The following SLCO1C1 variants were observed in gnomAD, a reference collection of about 807,000 sequenced individuals.
SLCO1C1 encodes solute carrier organic anion transporter family member 1C1.
In SLCO1C1, 70 loss-of-function variants were observed where a neutral mutation model predicts 76.4. That is an observed-to-expected ratio of 0.92 (90% confidence interval 0.76 to 1.12). SLCO1C1 has a LOEUF of 1.12. SLCO1C1 is among the 50% of genes most tolerant of loss of function. SLCO1C1 has a pLI of 0.00. For synonymous variants in SLCO1C1, 306 were observed against 286.1 expected, an observed-to-expected ratio of 1.07 and a Z score of -0.70; for missense variants, 912 against 823.8, an observed-to-expected ratio of 1.11 and a Z score of -1.31.
Position 20,711,501 on chromosome 12 carries a change from A to T in SLCO1C1, c.520A>T (p.Ile174Leu). The stretch of plus-strand genomic sequence containing the variant: ...AGTTATGGAAAAATCAAAATCCAAA[A>T]TAAGTAACGGTAAGATCATTTTTTT... ...VSVMEKSKSK[I>L]SNECEVDTSS... Residue 174 changes from isoleucine to leucine, a missense_variant, in exon 5 of 15, where the codon ATA becomes TTA. Ile to Leu is a conservative substitution (Grantham distance 5). Transcript: ENST00000266509. 1 of 1,613,640 alleles carries T rather than the reference A, an allele frequency of 6.2e-7. No homozygotes were observed. Among genetic ancestry groups the T allele is most frequent in the Non-Finnish European group, 8.5e-7 (1 of 1,179,808 alleles).
rs1946227187 is a variant in SLCO1C1 at position 20,695,479 on chromosome 12, C to G, written c.-354C>G. The G allele has an allele frequency of 6.6e-6, 1 of 152,154 alleles. No homozygotes were observed. Among genetic ancestry groups the G allele is most frequent in the Admixed American group, 6.6e-5 (1 of 15,262 alleles). The allele number at this position is 152,154 out of a possible 1,614,324, so 9.4% of individuals were successfully genotyped here. A position where few individuals can be genotyped will look rare whatever the true frequency, so the allele number is the denominator to read the frequency against. On this transcript the variant is annotated 5_prime_UTR_variant, in exon 1 of 15. Transcript: ENST00000266509. ...TGCAGCAAATTGCAAAGAAATGGCT[C>G]AAAAGCTTCAGCTCTTTCTGTGCCC...
chr12:20,736,195 C>T (rs1280717253), intron 10 of SLCO1C1, among the ~76,000 whole-genome samples: 2 of 143,690 alleles, frequency 1.4e-5, no homozygotes. Flanking sequence ...ATTCAGGTGA[C>T]AGAAAAAAAA....
At chr12:20,705,730 G>A (rs2120637234) in intron 3 of SLCO1C1, among the ~76,000 whole-genome samples, 2 of 152,082 alleles carry the variant, frequency 1.3e-5, no homozygotes, top group South Asian at 4.2e-4. Context: ...GAGGTAGAAG[G>A]ATTGAATTAA....
chr12:20,739,280 G>A (rs1232288397), intron 11 of SLCO1C1, among the ~76,000 whole-genome samples: 1 of 152,026 alleles, frequency 6.6e-6, no homozygotes, highest in Non-Finnish European at 1.5e-5. Flanking sequence ...CATTCTGTTG[G>A]GAAAGTATGT....
At chr12:20,742,419 T>TTA (rs1423248680) in intron 12 of SLCO1C1, among the ~76,000 whole-genome samples, 2 of 152,016 alleles carry the variant, frequency 1.3e-5, no homozygotes, top group East Asian at 1.9e-4. Context: ...CACTCAGTAG[T>TTA]TATATACATC....
intron 14 of SLCO1C1, among the ~76,000 whole-genome samples, chr12:20,751,605 C>A (rs1274563059): frequency 6.6e-6 from 1 of 152,070 alleles, no homozygotes; most frequent in African/African-American, 2.4e-5. Context: ...GAAAGGGACC[C>A]AATCTGTGAG....
intron 9 of SLCO1C1, among the ~76,000 whole-genome samples, chr12:20,725,020 C>A: frequency 1.5e-5 from 2 of 137,698 alleles, no homozygotes; most frequent in South Asian, 2.2e-4. Flanking sequence ...TTTAAAATAT[C>A]TAACATATAT....
chr12:20,741,704 T>C (rs989380739), intron 12 of SLCO1C1, among the ~76,000 whole-genome samples: 3 of 150,472 alleles, frequency 2.0e-5, no homozygotes, highest in Non-Finnish European at 4.4e-5. Context: ...TGAATCCAAA[T>C]TGTAAAATAG....
At chr12:20,697,086 T>G (rs937755827) in intron 1 of SLCO1C1, 1 of 152,064 alleles carries the variant, frequency 6.6e-6, no homozygotes, top group African/African-American at 2.4e-5. Flanking sequence ...TTTTCAGTAG[T>G]GTTTTTAACA....
intron 8 of SLCO1C1, among the ~76,000 whole-genome samples, 169 bp downstream of exon 8, chr12:20,722,218 A>C (rs969275883): frequency 2.6e-5 from 4 of 152,270 alleles, no homozygotes; most frequent in African/African-American, 9.6e-5. Context: ...TGATTGCAGT[A>C]CACGACCAAA....
intron 1 of SLCO1C1, among the ~76,000 whole-genome samples, chr12:20,698,150 C>T (rs1387971838): frequency 6.6e-6 from 1 of 151,920 alleles, no homozygotes; most frequent in Non-Finnish European, 1.5e-5. Flanking sequence ...ATGTTTTATA[C>T]TCCTAAATAT....
chr12:20,719,280 C>T (rs182240182), intron 7 of SLCO1C1, among the ~76,000 whole-genome samples: 179 of 152,112 alleles, frequency 1.2e-3, no homozygotes, highest in Non-Finnish European at 2.1e-3. Context: ...CTGGCCATTC[C>T]CCTGTCTCTC....
At chr12:20,698,914 C>G (rs1349143409) in intron 1 of SLCO1C1, among the ~76,000 whole-genome samples, 1 of 151,970 alleles carries the variant, frequency 6.6e-6, no homozygotes, top group Non-Finnish European at 1.5e-5. Flanking sequence ...GCATGGGAAG[C>G]AAGGCTGTCT....
At chr12:20,745,114 T>C (rs1393277590) in intron 13 of SLCO1C1, among the ~76,000 whole-genome samples, 1 of 152,104 alleles carries the variant, frequency 6.6e-6, no homozygotes, top group African/African-American at 2.4e-5. Flanking sequence ...AATGGAAGCA[T>C]CAACTAAAAA....
At chr12:20,730,018 G>A (rs1229501774) in intron 9 of SLCO1C1, among the ~76,000 whole-genome samples, 2 of 152,100 alleles carry the variant, frequency 1.3e-5, no homozygotes, top group Non-Finnish European at 2.9e-5. Flanking sequence ...TGGGGGTCTG[G>A]GAGGTCAATG....
chr12:20,727,700 A>G (rs997382341), intron 9 of SLCO1C1, among the ~76,000 whole-genome samples: 134 of 152,014 alleles, frequency 8.8e-4, no homozygotes, highest in African/African-American at 3.1e-3. Flanking sequence ...TAGTAGAGAC[A>G]GGGTTTCACT....
At chr12:20,745,000 T>A (rs959052278) in intron 13 of SLCO1C1, among the ~76,000 whole-genome samples, 2 of 152,088 alleles carry the variant, frequency 1.3e-5, no homozygotes, top group Non-Finnish European at 2.9e-5. Flanking sequence ...AGAAGGAAAA[T>A]GGAGAACAAT....
chr12:20,702,865 A>C (rs576326864), intron 3 of SLCO1C1, among the ~76,000 whole-genome samples: 1 of 151,984 alleles, frequency 6.6e-6, no homozygotes, highest in African/African-American at 2.4e-5. Context: ...ATTATATAAA[A>C]ATATTTTAGA....
At chr12:20,697,384 T>G (rs1946317903) in intron 1 of SLCO1C1, 1 of 152,106 alleles carries the variant, frequency 6.6e-6, no homozygotes, top group South Asian at 2.1e-4. Context: ...GGTTTGTATA[T>G]CTCTTGCTTG....
Sources: allele counts gnomAD v4.1 joint callset (sites outside exome capture counted in the v4.1 genomes callset), GRCh38; gene constraint gnomAD v4.1.1; transcripts MANE v1.5; gene names NCBI Gene and HGNC (gene_info 2026-07-23, HGNC 2026-07-21).